CHRM3: variants seen among roughly 807,000 people sequenced by gnomAD.
The protein encoded by CHRM3 is cholinergic receptor muscarinic 3.
A neutral mutation model predicts 41.8 loss-of-function variants in CHRM3; 11 were observed. That is an observed-to-expected ratio of 0.26 (90% CI 0.17 to 0.44). CHRM3 has a LOEUF of 0.44. CHRM3 is among the 20% of genes least tolerant of loss of function. The pLI, the probability that CHRM3 is intolerant of heterozygous loss-of-function variation, is 1.00. For missense variants in CHRM3, 571 were observed against 745.4 expected (o/e 0.77, Z 2.72); for synonymous variants, 297 against 301.4 (o/e 0.99, Z 0.15).
At chr1:239,842,196 G>A (rs1012476121) in intron 6 of CHRM3, among the ~76,000 whole-genome samples, 41 of 149,240 alleles carry the variant, frequency 2.7e-4, no homozygotes, top group African/African-American at 9.4e-4. Context: ...TAAATTCCAT[G>A]TCCACATGTA....
chr1:239,871,380 TACAGGCATGCGCCAGCATG>T (rs1268105467), intron 6 of CHRM3, among the ~76,000 whole-genome samples: 3 of 152,124 alleles, frequency 2.0e-5, no homozygotes, highest in African/African-American at 7.2e-5. Flanking sequence ...TAGCTGGGAC[TACAGGCATGCGCCAGCATG>T]CCCAGCTAAT....
intron 1 of CHRM3, among the ~76,000 whole-genome samples, chr1:239,445,021 T>A (rs757947793): frequency 6.6e-6 from 1 of 152,210 alleles, no homozygotes; most frequent in Non-Finnish European, 1.5e-5. Flanking sequence ...AGTGGGCCAC[T>A]GGATTTGGCA....
At chr1:239,475,494 T>A (rs1158941053) in intron 1 of CHRM3, among the ~76,000 whole-genome samples, 1 of 152,086 alleles carries the variant, frequency 6.6e-6, no homozygotes, top group Non-Finnish European at 1.5e-5. Context: ...TGCTCAAAAC[T>A]TTTGAGGTCA....
intron 1 of CHRM3, among the ~76,000 whole-genome samples, chr1:239,411,025 C>T (rs542283819): frequency 1.3e-3 from 199 of 152,272 alleles, no homozygotes; most frequent in Non-Finnish European, 2.5e-3. Context: ...GATATGTTCA[C>T]TCTATTTTGT....
At position 239,450,892 on chromosome 1, in the gene CHRM3, A is replaced by G. The variant is rs571418755; in HGVS notation, c.-520-41817A>G. Among the ~76,000 whole-genome samples the G allele has an allele frequency of 4.0e-4, 61 of 152,348 alleles. 1 individual carries two copies. Among genetic ancestry groups the G allele is most frequent in the African/African-American group, 6.7e-4 (28 of 41,586 alleles). ...TTGAGCATCGTCTGTTATAGGCCCA[A>G]TGAATGCCTAGTGAAGGCCAGGCAT... On this transcript the variant is annotated intron_variant, in intron 1 of 6. Transcript: ENST00000676153.
At chr1:239,522,776 A>G (rs1392649068) in intron 2 of CHRM3, among the ~76,000 whole-genome samples, 1 of 151,886 alleles carries the variant, frequency 6.6e-6, no homozygotes, top group Non-Finnish European at 1.5e-5. Flanking sequence ...AGAAAACAGA[A>G]CTCTTAATGT....
chr1:239,858,708 C>T (rs1675327198), intron 6 of CHRM3, among the ~76,000 whole-genome samples: 1 of 152,058 alleles, frequency 6.6e-6, no homozygotes, highest in Non-Finnish European at 1.5e-5. Context: ...AGTTTCACAG[C>T]ATTCTCATCA....
intron 5 of CHRM3, among the ~76,000 whole-genome samples, chr1:239,791,211 T>C (rs556065730): frequency 1.8e-4 from 27 of 152,220 alleles, no homozygotes; most frequent in African/African-American, 6.5e-4. Context: ...TTCAAGCAAT[T>C]CTCCTGCCTC....
intron 1 of CHRM3, among the ~76,000 whole-genome samples, chr1:239,467,333 G>T (rs531374592): frequency 2.0e-5 from 3 of 151,834 alleles, no homozygotes; most frequent in Admixed American, 6.6e-5. Context: ...ACAGATTCTC[G>T]CTCTGTCACC....
At chr1:239,432,433 G>A (rs1352247830) in intron 1 of CHRM3, among the ~76,000 whole-genome samples, 2 of 152,092 alleles carry the variant, frequency 1.3e-5, no homozygotes, top group Admixed American at 1.3e-4. Context: ...GGTTTCATTT[G>A]TGTCTAATCT....
rs1342609163 is a variant in CHRM3 at position 239,390,080 on chromosome 1, G to T, written c.-521+2853G>T. On this transcript the variant is annotated intron_variant, in intron 1 of 6. Coordinates refer to ENST00000676153, the MANE Select transcript of CHRM3 (RefSeq NM_001375978.1). The stretch of plus-strand genomic sequence containing the variant: ...ATTTTGGAGGATCAGTGAGTAACTA[G>T]AGATGTTGTCTTTTATGTTTGTGAA... Among the ~76,000 whole-genome samples, 4 of 152,202 alleles carry T rather than the reference G, an allele frequency of 2.6e-5. No homozygotes were observed. In the East Asian group the frequency reaches 7.7e-4, roughly 29 times the overall value.
At chr1:239,679,034 T>TAGAC (rs1553362078) in intron 5 of CHRM3, among the ~76,000 whole-genome samples, 2 of 151,338 alleles carry the variant, frequency 1.3e-5, no homozygotes, top group African/African-American at 4.9e-5. Flanking sequence ...GATGGATAGA[T>TAGAC]AGATAGATAG....
At chr1:239,399,339 T>C (rs1375908965) in intron 1 of CHRM3, among the ~76,000 whole-genome samples, 8 of 151,976 alleles carry the variant, frequency 5.3e-5, no homozygotes, top group Non-Finnish European at 1.0e-4. Context: ...CTCTGATTTT[T>C]TTTTTTTTTT....
intron 3 of CHRM3, chr1:239,546,520 C>G (rs1265696457): frequency 6.6e-6 from 1 of 152,078 alleles, no homozygotes; most frequent in Non-Finnish European, 1.5e-5. Flanking sequence ...TTAATGCAGT[C>G]TACTATTTTA....
At chr1:239,492,208 ATACC>A (rs199732269) in intron 1 of CHRM3, among the ~76,000 whole-genome samples, 1 of 152,094 alleles carries the variant, frequency 6.6e-6, no homozygotes, top group Admixed American at 6.6e-5. Context: ...AAGTCAGCAG[ATACC>A]TACCTACCTA....
intron 3 of CHRM3, among the ~76,000 whole-genome samples, chr1:239,614,638 G>T (rs779091808): frequency 1.3e-5 from 2 of 152,172 alleles, no homozygotes; most frequent in Non-Finnish European, 2.9e-5. Context: ...ATAGGTTTAT[G>T]CTGGGCCCAG....
chr1:239,615,064 C>T (rs986765789), intron 3 of CHRM3, among the ~76,000 whole-genome samples: 2 of 152,014 alleles, frequency 1.3e-5, no homozygotes, highest in African/African-American at 2.4e-5. Flanking sequence ...GCAGGTGGGG[C>T]AGATACCCTG....
intron 6 of CHRM3, among the ~76,000 whole-genome samples, chr1:239,860,981 A>T (rs1675589844): frequency 6.6e-6 from 1 of 152,194 alleles, no homozygotes; most frequent in Non-Finnish European, 1.5e-5. Context: ...GAGGGTAAAA[A>T]AATTAAAGAC....
At chr1:239,763,912 A>G (rs1667002240) in intron 5 of CHRM3, among the ~76,000 whole-genome samples, 1 of 151,632 alleles carries the variant, frequency 6.6e-6, no homozygotes, top group South Asian at 2.1e-4. Flanking sequence ...CCTGGGCAAC[A>G]TAGCAAGACC....
Sources: allele counts gnomAD v4.1 joint callset (sites outside exome capture counted in the v4.1 genomes callset), GRCh38; gene constraint gnomAD v4.1.1; transcripts MANE v1.5; gene names NCBI Gene and HGNC (gene_info 2026-07-23, HGNC 2026-07-21).